The following FAM13A variants were observed in gnomAD, a reference collection of about 807,000 sequenced individuals.
FAM13A encodes family with sequence similarity 13 member A, also known as protein FAM13A.
A neutral mutation model predicts 129.6 loss-of-function variants in FAM13A; 76 were observed. The observed-to-expected ratio is 0.59, with a 90% confidence interval of 0.49 to 0.71. The LOEUF is 0.71. FAM13A is among the 30% of genes least tolerant of loss of function. The pLI is 0.00. For missense variants in FAM13A, 1,108 were observed against 1,249.3 expected (o/e 0.89, Z 1.70); for synonymous variants, 443 against 449.9 (o/e 0.98, Z 0.20).
chr4:88,961,393 A>G (rs1466948126), intron 4 of FAM13A, among the ~76,000 whole-genome samples: 20 of 60,944 alleles, frequency 3.3e-4, no homozygotes, highest in Non-Finnish European at 5.2e-4. Flanking sequence ...TTTGAGACTG[A>G]GTCTTGCTCT....
chr4:88,841,580 T>C (rs1210400518), intron 7 of FAM13A, among the ~76,000 whole-genome samples: 1 of 151,686 alleles, frequency 6.6e-6, no homozygotes, highest in Non-Finnish European at 1.5e-5. Flanking sequence ...AAGGGTCTTA[T>C]ATCCAGAATA....
intron 8 of FAM13A, among the ~76,000 whole-genome samples, chr4:88,794,539 A>C (rs2149690901): frequency 6.6e-6 from 1 of 152,046 alleles, no homozygotes; most frequent in East Asian, 1.9e-4. Context: ...ACATTTAAAA[A>C]GAGGTTTCAA....
rs34238768 is a variant in FAM13A, at chr4:88,815,986, T to TAA, written c.1008-10936_1008-10935dup. 7.4e-4 allele frequency among the ~76,000 whole-genome samples: 105 copies of TAA among 142,768 alleles called. 1 individual carries two copies. The East Asian group carries it at 0.02, about 27-fold the overall frequency. 93.7% of individuals were successfully genotyped at this position (142,768 alleles called of 152,430 possible). A position where few individuals can be genotyped will look rare whatever the true frequency, so the allele number is the denominator to read the frequency against. On this transcript the variant is annotated intron_variant, in intron 7 of 23. Transcript: ENST00000264344. ...AATAAGAGAATCCAAGTTCTTTTTC[T>TAA]AAAAAAAAAAAAGAAAGGTAAATTC...
chr4:88,768,266 C>T lies in FAM13A; in HGVS notation c.1459-207G>A, dbSNP rs530755218. Reference sequence around the variant, plus strand: ...GAATTGTGTATTGAACTTCTAACATCCTTTTAACAAACATATGTGACAGCA... The same window carrying T: ...GAATTGTGTATTGAACTTCTAACATTCTTTTAACAAACATATGTGACAGCA... On this transcript the variant is annotated intron_variant, in intron 11 of 23. Coordinates refer to ENST00000264344, the MANE Select transcript of FAM13A (RefSeq NM_014883.4). 6.9e-5 allele frequency: 28 copies of T among 405,262 alleles called. No individual in the cohort carries two copies. The South Asian group carries it at 1.3e-3, about 19-fold the overall frequency. 25.1% of individuals were successfully genotyped at this position (405,262 alleles called of 1,614,324 possible).
intron 19 of FAM13A, among the ~76,000 whole-genome samples, chr4:88,740,315 C>T (rs762807240): frequency 5.9e-5 from 9 of 152,174 alleles, no homozygotes; most frequent in Admixed American, 1.3e-4. Flanking sequence ...TTTACTGTAG[C>T]GATATGTTGA....
At chr4:89,015,084 G>A (rs1361358319) in intron 3 of FAM13A, among the ~76,000 whole-genome samples, 1 of 152,154 alleles carries the variant, frequency 6.6e-6, no homozygotes, top group Non-Finnish European at 1.5e-5. Context: ...GAAGATAAGG[G>A]ATGAAATAAG....
intron 5 of FAM13A, among the ~76,000 whole-genome samples, chr4:88,920,258 C>T (rs1205813733): frequency 1.3e-5 from 2 of 151,948 alleles, no homozygotes; most frequent in East Asian, 1.9e-4. Context: ...CAAGTGGACC[C>T]CTGACCCCTG....
intron 7 of FAM13A, chr4:88,822,825 T>C (rs1732276505): frequency 9.4e-7 from 1 of 1,065,192 alleles, no homozygotes; most frequent in Non-Finnish European, 1.3e-6. Context: ...AATATTTAAT[T>C]TTTTCTGTTC....
intron 7 of FAM13A, among the ~76,000 whole-genome samples, chr4:88,835,177 A>C (rs1326143790): frequency 2.6e-5 from 4 of 152,248 alleles, no homozygotes. Flanking sequence ...AGCTGAATGA[A>C]CCACTTTGCC....
At chr4:89,006,399 A>C (rs1765010244) in intron 3 of FAM13A, among the ~76,000 whole-genome samples, 1 of 152,178 alleles carries the variant, frequency 6.6e-6, no homozygotes, top group Non-Finnish European at 1.5e-5. Context: ...TAACCTCAGG[A>C]AGTAGACACT....
Position 88,737,476 on chromosome 4 carries a change from A to G in FAM13A, c.2642T>C (p.Ile881Thr), listed in dbSNP as rs772366424. The G allele has an allele frequency of 1.9e-6, 3 of 1,613,692 alleles. No homozygotes were observed. The highest frequency in any genetic ancestry group is 2.2e-5 in the East Asian group (1 of 44,888). The part of the protein sequence containing the change: ...EGETASFFKE[I>T]KEEEEGSEDD... ...GTTAGCAGCTGGGGTCTTCACCTTT[A>G]TCTCCTTGAAGAAGGAAGCAGTTTC... The change falls in exon 21 of 24, where the codon ATA becomes ACA. Residue 881 changes from isoleucine (I) to threonine (T), a missense_variant. Ile to Thr is a moderately conservative substitution (Grantham distance 89). Coordinates refer to ENST00000264344, the MANE Select transcript of FAM13A (RefSeq NM_014883.4).
intron 10 of FAM13A, among the ~76,000 whole-genome samples, chr4:88,782,297 T>TA (rs201820075): frequency 3.3e-4 from 48 of 144,538 alleles, no homozygotes; most frequent in South Asian, 1.1e-3. Context: ...CAAACTGAGT[T>TA]AAAAAAAAAA....
chr4:88,863,293 G>A (rs1206344971), intron 6 of FAM13A, among the ~76,000 whole-genome samples: 8 of 152,238 alleles, frequency 5.3e-5, no homozygotes, highest in East Asian at 3.9e-4. Context: ...CATAAAAAGC[G>A]TAAACAATGG....
chr4:88,817,802 T>C (rs1731069238), intron 7 of FAM13A, among the ~76,000 whole-genome samples: 1 of 152,182 alleles, frequency 6.6e-6, no homozygotes, highest in Non-Finnish European at 1.5e-5. Context: ...ATTGATGCGA[T>C]GAAATGCACT....
At chr4:88,997,810 C>A (rs959598366) in intron 3 of FAM13A, among the ~76,000 whole-genome samples, 3 of 152,116 alleles carry the variant, frequency 2.0e-5, no homozygotes, top group Admixed American at 6.6e-5. Context: ...TTAAGACAAC[C>A]AAAATACTTA....
intron 6 of FAM13A, chr4:88,905,769 A>T (rs1748043083): frequency 6.6e-6 from 1 of 152,184 alleles, no homozygotes; most frequent in African/African-American, 2.4e-5. Flanking sequence ...CAGAAGTAAA[A>T]CCATCTACTA....
intron 1 of FAM13A, among the ~76,000 whole-genome samples, chr4:89,052,281 CTTTT>C (rs1771703276): frequency 1.0e-5 from 1 of 100,298 alleles, no homozygotes; most frequent in Non-Finnish European, 2.2e-5. Context: ...TTTCTTTTTT[CTTTT>C]ATTTTATTTT....
chr4:88,729,468 T>G (rs1294515102), intron 23 of FAM13A: 2 of 152,154 alleles, frequency 1.3e-5, no homozygotes, highest in Admixed American at 1.3e-4. Context: ...CAAATATGGG[T>G]AAGGAGGATA....
At chr4:88,790,437 C>T in intron 9 of FAM13A, 149 bp downstream of exon 9, 3 of 649,424 alleles carry the variant, frequency 4.6e-6, no homozygotes, top group Non-Finnish European at 8.1e-6. Context: ...TCCTCTCCTC[C>T]ATATAGTTTA....
Sources: gnomAD v4.1 joint callset for allele counts (sites outside exome capture counted in the v4.1 genomes callset) on GRCh38, gnomAD v4.1.1 for gene constraint, MANE v1.5 for transcripts, NCBI Gene and HGNC (gene_info 2026-07-23, HGNC 2026-07-21) for gene names.